Variants in FLRT2 observed in about 807,000 individuals in gnomAD.
FLRT2 encodes leucine-rich repeat transmembrane protein FLRT2.
Under a neutral mutation model 40.0 loss-of-function variants are expected in FLRT2, and 15 were observed. The observed-to-expected ratio is 0.38, with a 90% CI of 0.25 to 0.58. The LOEUF is 0.58. Among genes scored for constraint, FLRT2 ranks in the 20% least tolerant of loss-of-function variants. The pLI is 0.71. For missense variants in FLRT2, 726 were observed against 840.0 expected, an observed-to-expected ratio of 0.86 and a Z score of 1.68; for synonymous variants, 380 against 336.8, an observed-to-expected ratio of 1.13 and a Z score of -1.41.
At chr14:85,603,690 G>A (rs143623157) in intron 1 of FLRT2, among the ~76,000 whole-genome samples, 7 of 150,216 alleles carry the variant, frequency 4.7e-5, no homozygotes, top group East Asian at 4.3e-4. Context: ...CCAACATGGC[G>A]AAACCCCACT....
chr14:85,543,980 A>G (rs75182618), intron 1 of FLRT2, among the ~76,000 whole-genome samples: 2,574 of 152,274 alleles, frequency 0.017, 72 homozygotes, highest in African/African-American at 0.058. Flanking sequence ...CTGTGGTGCT[A>G]ACAGAGTTGC....
intron 1 of FLRT2, among the ~76,000 whole-genome samples, chr14:85,609,482 G>A (rs1402537691): frequency 6.6e-6 from 1 of 152,186 alleles, no homozygotes; most frequent in South Asian, 2.1e-4. Flanking sequence ...GAGTCAGAGC[G>A]TAGCCACCTG....
At position 85,625,902 on chromosome 14, in the gene FLRT2, A is replaced by AAACCG. The variant is rs1893662730; in HGVS notation, c.*2405_*2406insAACCG. On this transcript the variant is annotated 3_prime_UTR_variant, in exon 2 of 2. Transcript: ENST00000330753. ...AGTGGGATTTCTGGCTGCTGAAACC[A>AAACCG]CTTTGGGCCAGGAAGAACAAGGATG... 6.0e-6 allele frequency: 1 copy of AAACCG among 166,968 alleles called. No individual in the cohort carries two copies. Among genetic ancestry groups the AAACCG allele is most frequent in the Non-Finnish European group, 1.5e-5 (1 of 68,122 alleles). 10.3% of individuals were successfully genotyped at this position (166,968 alleles called of 1,614,324 possible).
At chr14:85,534,899 A>G (rs75387081) in intron 1 of FLRT2, among the ~76,000 whole-genome samples, 1,386 of 134,900 alleles carry the variant, frequency 0.01, 21 homozygotes, top group African/African-American at 0.037. Context: ...GTTTGCTGCT[A>G]TCTTTATTAT....
intron 1 of FLRT2, among the ~76,000 whole-genome samples, chr14:85,576,204 C>T (rs1478278671): frequency 6.6e-6 from 1 of 152,208 alleles, no homozygotes; most frequent in Non-Finnish European, 1.5e-5. Context: ...GCCTCAAAAA[C>T]TCATGACCTC....
At chr14:85,532,846 A>G (rs1256315609) in intron 1 of FLRT2, among the ~76,000 whole-genome samples, 1 of 152,178 alleles carries the variant, frequency 6.6e-6, no homozygotes, top group Non-Finnish European at 1.5e-5. Flanking sequence ...ATCATTTCTC[A>G]GTGTCTAAGT....
In FLRT2 at chr14:85,634,190, T is replaced by C. The variant is rs1409660002; in HGVS notation, c.*10693T>C. ...ATTATTTTCCTTTCTATTTATGTCT[T>C]TCCTTGCTTAATAAATGCAGAAGTT... is the stretch of plus-strand genomic sequence containing the variant. On this transcript the variant is annotated 3_prime_UTR_variant, in exon 2 of 2. Coordinates refer to ENST00000330753, the MANE Select transcript of FLRT2 (RefSeq NM_013231.6). 5 of 152,330 alleles carry C rather than the reference T, an allele frequency of 3.3e-5. No individual in the cohort carries two copies. In the East Asian group the frequency reaches 7.7e-4, roughly 23 times the overall value. 9.4% of individuals were successfully genotyped at this position (152,330 alleles called of 1,614,324 possible).
chr14:85,544,479 C>G (rs941662135), intron 1 of FLRT2, among the ~76,000 whole-genome samples: 1 of 152,162 alleles, frequency 6.6e-6, no homozygotes, highest in African/African-American at 2.4e-5. Flanking sequence ...CATTTGCTCT[C>G]TTCTTTATTT....
At chr14:85,580,859 T>C (rs1891357348) in intron 1 of FLRT2, among the ~76,000 whole-genome samples, 1 of 152,260 alleles carries the variant, frequency 6.6e-6, no homozygotes, top group African/African-American at 2.4e-5. Flanking sequence ...CCCTCATTTA[T>C]CTAGGTGCTT....
chr14:85,602,489 G>C (rs757728040), intron 1 of FLRT2, among the ~76,000 whole-genome samples: 1 of 152,220 alleles, frequency 6.6e-6, no homozygotes, highest in Non-Finnish European at 1.5e-5. Context: ...GATTGATTAC[G>C]TTATGTGCTC....
In FLRT2 at chr14:85,622,513, C is replaced by T; in HGVS notation, c.999C>T (p.Asn333=). ...EWLKYIPSSL[N]VRGFMCQGPE... is the part of the protein sequence containing the mutation. ...TCAAATATATCCCTTCATCTCTCAACGTGCGGGGTTTCATGTGCCAAGGTC... is the reference window on the plus strand; with the variant it reads ...TCAAATATATCCCTTCATCTCTCAATGTGCGGGGTTTCATGTGCCAAGGTC... Residue 333 remains asparagine (N), a synonymous_variant, in exon 2 of 2, where the codon AAC becomes AAT. Coordinates refer to ENST00000330753, the MANE Select transcript of FLRT2 (RefSeq NM_013231.6). The T allele has an allele frequency of 6.2e-7, 1 of 1,614,068 alleles. No homozygotes were observed. The highest frequency in any genetic ancestry group is 8.5e-7 in the Non-Finnish European group (1 of 1,180,018).
At chr14:85,581,068 C>T (rs962495978) in intron 1 of FLRT2, among the ~76,000 whole-genome samples, 1 of 152,110 alleles carries the variant, frequency 6.6e-6, no homozygotes, top group Non-Finnish European at 1.5e-5. Flanking sequence ...TCGCTTATTT[C>T]GGCTTTTAAT....
chr14:85,592,834 T>C (rs1287232972), intron 1 of FLRT2, among the ~76,000 whole-genome samples: 2 of 148,078 alleles, frequency 1.4e-5, no homozygotes, highest in Non-Finnish European at 3.0e-5. Flanking sequence ...TGGAACCGCA[T>C]GAATTCTGTA....
chr14:85,605,586 C>T (rs537065547), intron 1 of FLRT2, among the ~76,000 whole-genome samples: 5 of 152,092 alleles, frequency 3.3e-5, no homozygotes, highest in East Asian at 1.9e-4. Context: ...CTGGCTAACA[C>T]GGTGAAACCC....
intron 1 of FLRT2, among the ~76,000 whole-genome samples, chr14:85,582,422 A>T (rs1455946201): frequency 2.6e-5 from 4 of 152,112 alleles, no homozygotes; most frequent in Non-Finnish European, 5.9e-5. Context: ...TGTGATTTGT[A>T]CTTAGTGTTT....
In FLRT2 at chr14:85,630,715, G is replaced by A. The variant is rs1893846556; in HGVS notation, c.*7218G>A. 6.6e-6 allele frequency: 1 copy of A among 152,024 alleles called. No homozygotes were observed. Among genetic ancestry groups the A allele is most frequent in the South Asian group, 2.1e-4 (1 of 4,814 alleles). 9.4% of individuals were successfully genotyped at this position (152,024 alleles called of 1,614,324 possible). A position where few individuals can be genotyped will look rare whatever the true frequency, so the allele number is the denominator to read the frequency against. The stretch of plus-strand genomic sequence containing the variant: ...GATCCACCCACCTAGGCCTCCCAAA[G>A]TGCTGGGATTACAGGCATGAGCCAC... On this transcript the variant is annotated 3_prime_UTR_variant, in exon 2 of 2. Transcript: ENST00000330753.
At chr14:85,561,724 C>A in intron 1 of FLRT2, among the ~76,000 whole-genome samples, 1 of 152,276 alleles carries the variant, frequency 6.6e-6, no homozygotes. Context: ...AAAGTAGGAA[C>A]GAGATAAAAT....
In FLRT2 at chr14:85,625,081, C is replaced by T. The variant is rs1893616845; in HGVS notation, c.*1584C>T. On this transcript the variant is annotated 3_prime_UTR_variant, in exon 2 of 2. Transcript: ENST00000330753. ...AAAGAGAGGATGTCCGTGCTTAATT[C>T]TAGATACTTTTGAGACAACACCTTC... The T allele has an allele frequency of 6.0e-6, 1 of 166,992 alleles. No individual in the cohort carries two copies. Among genetic ancestry groups the T allele is most frequent in the Non-Finnish European group, 1.5e-5 (1 of 68,108 alleles). 10.3% of individuals were successfully genotyped at this position (166,992 alleles called of 1,614,324 possible).
intron 1 of FLRT2, among the ~76,000 whole-genome samples, chr14:85,541,407 T>C (rs1293486056): frequency 6.6e-6 from 1 of 152,136 alleles, no homozygotes; most frequent in Admixed American, 6.6e-5. Context: ...CTAATTGCAT[T>C]GCAGTTTTAT....
Sources: allele counts gnomAD v4.1 joint callset (sites outside exome capture counted in the v4.1 genomes callset), GRCh38; gene constraint gnomAD v4.1.1; transcripts MANE v1.5; gene names NCBI Gene and HGNC (gene_info 2026-07-23, HGNC 2026-07-21).